The following PRUNE2 variants were observed in gnomAD, a reference collection of about 807,000 sequenced individuals.
The protein encoded by PRUNE2 is protein prune homolog 2.
A neutral mutation model predicts 252.0 loss-of-function variants in PRUNE2; 164 were observed. The ratio of observed to expected loss-of-function variants is 0.65; its 90% CI spans 0.57 to 0.74. PRUNE2 has a LOEUF of 0.74. PRUNE2 is among the 30% of genes least tolerant of loss of function. The probability of loss-of-function intolerance (pLI) is 0.00; values close to 1 mark genes in which losing one functional copy is unlikely to be tolerated. For missense variants in PRUNE2, 3,495 were observed against 3,711.0 expected (o/e 0.94, Z 1.51); for synonymous variants, 1,292 against 1,350.2 (o/e 0.96, Z 0.94).
At chr9:76,680,366 C>T (rs2043292232) in intron 9 of PRUNE2, among the ~76,000 whole-genome samples, 1 of 151,882 alleles carries the variant, frequency 6.6e-6, no homozygotes, top group African/African-American at 2.4e-5. Flanking sequence ...AACAAACAAA[C>T]AAAAAACCAA....
At chr9:76,902,459 T>C (rs920276373) in intron 1 of PRUNE2, among the ~76,000 whole-genome samples, 1 of 152,190 alleles carries the variant, frequency 6.6e-6, no homozygotes, top group African/African-American at 2.4e-5. Flanking sequence ...CTAGTTTTGG[T>C]AGTAAGTATC....
chr9:76,758,047 G>A (rs28675858), intron 6 of PRUNE2, among the ~76,000 whole-genome samples: 12,384 of 151,842 alleles, frequency 0.082, 1,144 homozygotes, highest in African/African-American at 0.23. Flanking sequence ...TTTTTCTTCT[G>A]GTTAACCTTT....
rs1414199415 is a variant in PRUNE2, at chr9:76,613,111, CAT to C, written c.*1457_*1458del. ...CAGTGATTTTGTGGCTAGGACTCCTCATGTTTTTCAGCAAGCCATTTCTTTTA... is the reference window on the plus strand; with the variant it reads ...CAGTGATTTTGTGGCTAGGACTCCTCGTTTTTCAGCAAGCCATTTCTTTTA... On this transcript the variant is annotated 3_prime_UTR_variant, in exon 19 of 19. Coordinates refer to ENST00000376718, the MANE Select transcript of PRUNE2 (RefSeq NM_015225.3). The C allele has an allele frequency of 1.3e-5, 2 of 152,180 alleles. No individual in the cohort carries two copies. The highest frequency in any genetic ancestry group is 2.4e-5 in the African/African-American group (1 of 41,442). 9.4% of individuals were successfully genotyped at this position (152,180 alleles called of 1,614,324 possible). A position where few individuals can be genotyped will look rare whatever the true frequency, so the allele number is the denominator to read the frequency against.
chr9:76,880,260 T>C (rs993776436), intron 1 of PRUNE2, among the ~76,000 whole-genome samples: 4 of 152,154 alleles, frequency 2.6e-5, no homozygotes, highest in African/African-American at 7.2e-5. Flanking sequence ...GTACACATAA[T>C]TCACAATTCC....
chr9:76,825,528 G>A (rs1395483948), intron 5 of PRUNE2, among the ~76,000 whole-genome samples: 1 of 152,192 alleles, frequency 6.6e-6, no homozygotes, highest in Admixed American at 6.5e-5. Context: ...CTGCCCCTGG[G>A]GATGGGGTTC....
Position 76,826,631 on chromosome 9 carries a change from G to A in PRUNE2, c.610C>T (p.Pro204Ser). The A allele has an allele frequency of 6.2e-7, 1 of 1,612,750 alleles. No individual in the cohort carries two copies. Reference protein sequence around the residue: ...ILEEKFPNLPPREDIINVLQE... With the variant: ...ILEEKFPNLPSREDIINVLQE... Reference sequence around the variant, plus strand: ...AGGACGTTGATGATGTCCTCTCTTGGAGGCAAGTTAGGAAATTTTTCTTCC... The same window carrying A: ...AGGACGTTGATGATGTCCTCTCTTGAAGGCAAGTTAGGAAATTTTTCTTCC... Residue 204 changes from proline to serine, a missense_variant, in exon 5 of 19, where the codon CCA (proline) becomes TCA (serine). Coordinates refer to ENST00000376718, the MANE Select transcript of PRUNE2 (RefSeq NM_015225.3).
At chr9:76,676,258 T>A (rs5898497) in intron 9 of PRUNE2, among the ~76,000 whole-genome samples, 14,180 of 117,914 alleles carry the variant, frequency 0.12, 859 homozygotes, top group African/African-American at 0.19. Context: ...AAAAAAAAAA[T>A]CTTCCACTCA....
chr9:76,820,310 C>T (rs2057964719), intron 6 of PRUNE2, among the ~76,000 whole-genome samples: 1 of 152,114 alleles, frequency 6.6e-6, no homozygotes, highest in Non-Finnish European at 1.5e-5. Context: ...ACTTATATAA[C>T]AATGAATATT....
At chr9:76,822,152 A>G (rs929861524) in intron 6 of PRUNE2, among the ~76,000 whole-genome samples, 2 of 152,220 alleles carry the variant, frequency 1.3e-5, no homozygotes, top group African/African-American at 4.8e-5. Context: ...GTGATTATAT[A>G]GTTACTACCT....
Position 76,704,864 on chromosome 9 carries a change from C to A in PRUNE2, c.7410G>T (p.Pro2470=). 2 of 1,603,996 alleles carry A rather than the reference C, an allele frequency of 1.2e-6. No individual in the cohort carries two copies. Among genetic ancestry groups the A allele is most frequent in the African/African-American group, 1.3e-5 (1 of 74,872 alleles). ...ACAAAATGTTGGAGCCTGCTCCTACCGGCAAATAAACGGACTCAGGGTCTT... is the reference window on the plus strand; with the variant it reads ...ACAAAATGTTGGAGCCTGCTCCTACAGGCAAATAAACGGACTCAGGGTCTT... ...IREDPESVYL[P]VGAGSNILSP... is the part of the protein sequence containing the mutation. The change falls in exon 8 of 19, where the codon CCG becomes CCT. Residue 2470 remains proline, a synonymous_variant. Transcript: ENST00000376718.
Position 76,835,848 on chromosome 9 carries a change from A to C in PRUNE2, c.509-9116T>G, listed in dbSNP as rs115233426. On this transcript the variant is annotated intron_variant, in intron 4 of 18. Coordinates refer to ENST00000376718, the MANE Select transcript of PRUNE2 (RefSeq NM_015225.3). ...CAGGCTACTAAAATAGCAAGCAACT[A>C]TTCTTTATTAAAGGTCAAATGAAAC... is the stretch of plus-strand genomic sequence containing the variant. Among the ~76,000 whole-genome samples the C allele has an allele frequency of 2.0e-3, 299 of 152,346 alleles. 2 individuals carry two copies. The highest frequency in any genetic ancestry group is 7.0e-3 in the African/African-American group (293 of 41,566).
intron 6 of PRUNE2, chr9:76,759,170 C>G (rs982921470): frequency 6.6e-6 from 1 of 152,194 alleles, no homozygotes; most frequent in Non-Finnish European, 1.5e-5. Flanking sequence ...GGGTCTCCCT[C>G]CCTGGAGACC....
At chr9:76,654,328 A>G (rs1021526738) in intron 10 of PRUNE2, among the ~76,000 whole-genome samples, 2 of 152,208 alleles carry the variant, frequency 1.3e-5, no homozygotes, top group Non-Finnish European at 2.9e-5. Context: ...TTCCCCTGTC[A>G]GTCATTAAGC....
At chr9:76,792,946 T>C (rs2055695844) in intron 6 of PRUNE2, among the ~76,000 whole-genome samples, 1 of 152,236 alleles carries the variant, frequency 6.6e-6, no homozygotes, top group Non-Finnish European at 1.5e-5. Context: ...ACATTTTCTC[T>C]AATGTCCTTG....
At chr9:76,864,337 A>G (rs140117590) in intron 1 of PRUNE2, among the ~76,000 whole-genome samples, 123 of 152,194 alleles carry the variant, frequency 8.1e-4, no homozygotes, top group African/African-American at 2.9e-3. Flanking sequence ...AAAACTACCT[A>G]TTGGGTACTA....
chr9:76,791,661 C>A lies in PRUNE2; in HGVS notation c.756+31971G>T, dbSNP rs547712109. On this transcript the variant is annotated intron_variant, in intron 6 of 18. Transcript: ENST00000376718. Reference sequence around the variant, plus strand: ...GTACAATAATACTGTACCAATAATACTGACTTCCTGAGTTTTATCTCATCA... The same window carrying A: ...GTACAATAATACTGTACCAATAATAATGACTTCCTGAGTTTTATCTCATCA... 5.3e-5 allele frequency among the ~76,000 whole-genome samples: 8 copies of A among 152,270 alleles called. No individual in the cohort carries two copies. The East Asian group carries it at 1.5e-3, about 29-fold the overall frequency.
intron 1 of PRUNE2, among the ~76,000 whole-genome samples, chr9:76,875,461 G>A (rs2133165644): frequency 6.6e-6 from 1 of 152,210 alleles, no homozygotes; most frequent in Admixed American, 6.5e-5. Flanking sequence ...CGCCTCCCAG[G>A]TTCAAGTGAT....
chr9:76,870,685 C>CAAAA lies in PRUNE2; in HGVS notation c.37-16481_37-16478dup, dbSNP rs199892073. ...TGGGTGACAGAGCGAGATTCTGTCT[C>CAAAA]AAAAAAAAAAAAAAAAAATCCTCAA... On this transcript the variant is annotated intron_variant, in intron 1 of 18. Transcript: ENST00000376718. 5.0e-3 allele frequency among the ~76,000 whole-genome samples: 412 copies of CAAAA among 82,308 alleles called. 3 individuals are homozygous for CAAAA. The highest frequency in any genetic ancestry group is 0.015 in the African/African-American group (374 of 24,518). The allele number at this position is 82,308 out of a possible 152,430, so 54.0% of individuals were successfully genotyped here.
intron 2 of PRUNE2, among the ~76,000 whole-genome samples, chr9:76,851,361 C>A (rs1025741499): frequency 6.6e-6 from 1 of 152,140 alleles, no homozygotes; most frequent in Non-Finnish European, 1.5e-5. Flanking sequence ...TCCTGGCTAA[C>A]ACGGTGAAAC....
Sources: allele counts gnomAD v4.1 joint callset (sites outside exome capture counted in the v4.1 genomes callset), GRCh38; gene constraint gnomAD v4.1.1; transcripts MANE v1.5; gene names NCBI Gene and HGNC (gene_info 2026-07-23, HGNC 2026-07-21).